The following CECR2 variants were observed in gnomAD, a reference collection of about 807,000 sequenced individuals.
CECR2 encodes CECR2 histone acetyl-lysine reader, also known as chromatin remodeling regulator CECR2.
CECR2 carries 30 observed loss-of-function variants against 154.5 expected under a neutral mutation model. The observed-to-expected ratio is 0.19, with a 90% CI of 0.15 to 0.26. The LOEUF (loss-of-function observed/expected upper bound fraction) is 0.26, where lower values mean the gene tolerates loss of function less well. Ranked by LOEUF, CECR2 falls within the 10% of genes least tolerant of loss-of-function variation. The pLI, the probability that CECR2 is intolerant of heterozygous loss-of-function variation, is 1.00. For missense variants in CECR2, 1,743 were observed against 1,829.3 expected (o/e 0.95, Z 0.86); for synonymous variants, 725 against 683.7 (o/e 1.06, Z -0.94).
intron 1 of CECR2, among the ~76,000 whole-genome samples, chr22:17,474,023 G>A (rs2055169332): frequency 6.6e-6 from 1 of 152,112 alleles, no homozygotes; most frequent in African/African-American, 2.4e-5. Context: ...TGTATTTACT[G>A]TGCCTTGGTT....
At chr22:17,482,910 T>C (rs1000922861) in intron 2 of CECR2, among the ~76,000 whole-genome samples, 1 of 152,158 alleles carries the variant, frequency 6.6e-6, no homozygotes, top group African/African-American at 2.4e-5. Flanking sequence ...CTCGATCTCC[T>C]GACCTCGTGA....
intron 1 of CECR2, among the ~76,000 whole-genome samples, chr22:17,389,106 G>A (rs537146051): frequency 4.6e-5 from 7 of 152,056 alleles, no homozygotes; most frequent in Non-Finnish European, 1.0e-4. Context: ...GAGCCACTGC[G>A]CCCGGCCTTA....
chr22:17,503,143 T>C lies in CECR2; in HGVS notation c.700+12T>C, dbSNP rs1166172235. 2 of 1,607,416 alleles carry C rather than the reference T, an allele frequency of 1.2e-6. No individual in the cohort carries two copies. Among genetic ancestry groups the C allele is most frequent in the Non-Finnish European group, 1.7e-6 (2 of 1,175,746 alleles). ...ACAGACAAGACATGGTAATGTTCTT[T>C]ACTGGCATTTAGAAAGAATTAAATA... On this transcript the variant is annotated intron_variant, in intron 6 of 18. Coordinates refer to ENST00000262608, the MANE Select transcript of CECR2 (RefSeq NM_001290047.2).
At chr22:17,533,396 G>A (rs571528391) in intron 9 of CECR2, among the ~76,000 whole-genome samples, 5 of 151,858 alleles carry the variant, frequency 3.3e-5, no homozygotes, top group East Asian at 2.0e-4. Context: ...GTGGGAGGCC[G>A]AGGTGGACGG....
intron 8 of CECR2, among the ~76,000 whole-genome samples, chr22:17,519,245 C>T (rs532656492): frequency 8.6e-5 from 13 of 151,528 alleles, no homozygotes; most frequent in Non-Finnish European, 1.3e-4. Flanking sequence ...AGCCACTGCT[C>T]CTCCACCTCA....
chr22:17,378,259 A>G (rs971609630), intron 1 of CECR2, among the ~76,000 whole-genome samples: 9 of 149,932 alleles, frequency 6.0e-5, no homozygotes, highest in Non-Finnish European at 8.9e-5. Context: ...CTGGGATTAC[A>G]GGTGTGAGCC....
At chr22:17,504,640 A>T (rs2055803203) in intron 6 of CECR2, among the ~76,000 whole-genome samples, 1 of 150,696 alleles carries the variant, frequency 6.6e-6, no homozygotes, top group East Asian at 2.0e-4. Flanking sequence ...ACGGGGTTTC[A>T]CCGTGTTAGC....
intron 6 of CECR2, 21 bp from the exon 7 acceptor site, chr22:17,504,826 A>T: frequency 6.2e-7 from 1 of 1,607,492 alleles, no homozygotes; most frequent in Non-Finnish European, 8.5e-7. Context: ...CCTGTAGTGA[A>T]TCCGTTCCTT....
At chr22:17,379,172 G>A (rs1008381197) in intron 1 of CECR2, among the ~76,000 whole-genome samples, 36 of 152,202 alleles carry the variant, frequency 2.4e-4, no homozygotes, top group African/African-American at 8.7e-4. Context: ...GGTCAGGCTG[G>A]TTTCGAACTC....
chr22:17,477,468 G>T (rs2146793276), intron 1 of CECR2, 120 bp from the exon 2 acceptor site: 1 of 702,200 alleles, frequency 1.4e-6, no homozygotes, highest in East Asian at 2.6e-5. Context: ...GCTGATCTCT[G>T]GCAAGTCCTT....
chr22:17,422,684 G>A (rs1315546072), intron 1 of CECR2, among the ~76,000 whole-genome samples: 2 of 150,338 alleles, frequency 1.3e-5, no homozygotes, highest in Admixed American at 1.3e-4. Context: ...GAGTTCTTGG[G>A]TATTATCTTC....
intron 1 of CECR2, among the ~76,000 whole-genome samples, chr22:17,449,081 G>T (rs1569089397): frequency 6.6e-6 from 1 of 151,998 alleles, no homozygotes; most frequent in Non-Finnish European, 1.5e-5. Flanking sequence ...GTTTCACCAT[G>T]TTGGCCAAGC....
intron 1 of CECR2, among the ~76,000 whole-genome samples, chr22:17,422,045 G>T (rs1283918290): frequency 6.6e-6 from 1 of 151,708 alleles, no homozygotes; most frequent in Admixed American, 6.6e-5. Context: ...TGCTTGTCTG[G>T]TTTCTGAGAA....
intron 1 of CECR2, among the ~76,000 whole-genome samples, chr22:17,420,808 CTTA>C (rs376243950): frequency 6.4e-4 from 98 of 152,228 alleles, no homozygotes; most frequent in African/African-American, 2.3e-3. Flanking sequence ...GCATTTATCA[CTTA>C]TTATCTTAAA....
chr22:17,414,185 G>A (rs370983082), intron 1 of CECR2, among the ~76,000 whole-genome samples: 13 of 151,650 alleles, frequency 8.6e-5, no homozygotes, highest in African/African-American at 2.7e-4. Context: ...TGTTAGCCAG[G>A]ATGGTCTCGA....
intron 1 of CECR2, 75 bp from the exon 2 acceptor site, chr22:17,477,513 G>T: frequency 1.0e-6 from 1 of 968,412 alleles, no homozygotes; most frequent in East Asian, 2.4e-5. Context: ...TGGGGCTTGT[G>T]CTGGCGGTAG....
intron 16 of CECR2, among the ~76,000 whole-genome samples, chr22:17,543,293 C>G (rs371525795): frequency 9.5e-4 from 145 of 152,140 alleles, no homozygotes; most frequent in African/African-American, 3.5e-3. Flanking sequence ...CCACCACGCC[C>G]GGCTAATTTT....
At chr22:17,449,109 C>T (rs186122976) in intron 1 of CECR2, among the ~76,000 whole-genome samples, 14 of 152,190 alleles carry the variant, frequency 9.2e-5, no homozygotes, top group African/African-American at 3.4e-4. Context: ...GAACTACTGA[C>T]CTCAAGGGAT....
chr22:17,387,451 G>T (rs192404265), intron 1 of CECR2, among the ~76,000 whole-genome samples: 34 of 152,296 alleles, frequency 2.2e-4, no homozygotes, highest in African/African-American at 7.9e-4. Flanking sequence ...GACACAGCCA[G>T]AATCTTACAG....
Sources: allele counts gnomAD v4.1 joint callset (sites outside exome capture counted in the v4.1 genomes callset), GRCh38; gene constraint gnomAD v4.1.1; transcripts MANE v1.5; gene names NCBI Gene and HGNC (gene_info 2026-07-23, HGNC 2026-07-21).